Variants in ST3GAL1 observed in about 807,000 individuals in gnomAD.
ST3GAL1 encodes the protein ST3 beta-galactoside alpha-2,3-sialyltransferase 1.
In ST3GAL1, 16 loss-of-function variants were observed where a neutral mutation model predicts 34.1. The observed-to-expected ratio is 0.47, with a 90% CI of 0.32 to 0.71. The LOEUF (loss-of-function observed/expected upper bound fraction) is 0.71, where lower values mean the gene tolerates loss of function less well. ST3GAL1 is among the 30% of genes least tolerant of loss of function. The pLI, the probability that ST3GAL1 is intolerant of heterozygous loss-of-function variation, is 0.04. For missense variants in ST3GAL1, 353 were observed against 447.4 expected (o/e 0.79, Z 1.90); for synonymous variants, 191 against 184.7 (o/e 1.03, Z -0.28).
At chr8:133,532,886 C>A (rs186275757) in intron 2 of ST3GAL1, among the ~76,000 whole-genome samples, 1 of 152,136 alleles carries the variant, frequency 6.6e-6, no homozygotes, top group Non-Finnish European at 1.5e-5. Context: ...AGTTTGGGGA[C>A]GAGAAGCATA....
intron 2 of ST3GAL1, among the ~76,000 whole-genome samples, chr8:133,507,128 C>T (rs1817367153): frequency 1.3e-5 from 2 of 152,126 alleles, no homozygotes; most frequent in Admixed American, 1.3e-4. Flanking sequence ...GTTCTAGACT[C>T]TGGAGTCCAA....
chr8:133,570,792 G>A lies in ST3GAL1; in HGVS notation c.-582+901C>T, dbSNP rs530392314. Among the ~76,000 whole-genome samples the A allele has an allele frequency of 2.0e-5, 3 of 152,332 alleles. No homozygotes were observed. The East Asian group carries it at 5.8e-4, about 29-fold the overall frequency. On this transcript the variant is annotated intron_variant, in intron 1 of 9. Coordinates refer to ENST00000522652, the MANE Select transcript of ST3GAL1 (RefSeq NM_173344.3). This position sits in a 1 kb window ranked among gnomAD's most constrained non-coding sequence, Gnocchi z 5.6. ...CCCTCACCAGAGCGCCTCGCCCCAG[G>A]GTCACCGCTGTCCGTCCCCGTGCGC... is the stretch of plus-strand genomic sequence containing the variant.
chr8:133,537,076 G>A (rs933046628), intron 2 of ST3GAL1, among the ~76,000 whole-genome samples: 2 of 152,082 alleles, frequency 1.3e-5, no homozygotes, highest in Non-Finnish European at 2.9e-5. Flanking sequence ...CCTCAAGTCC[G>A]GGTCTCTGCA....
intron 2 of ST3GAL1, among the ~76,000 whole-genome samples, chr8:133,524,312 G>C (rs1402227469): frequency 6.6e-6 from 1 of 152,234 alleles, no homozygotes; most frequent in African/African-American, 2.4e-5. Context: ...GAAAGTGGTA[G>C]AGCCAGGACA....
In ST3GAL1 at chr8:133,545,452, A is replaced by G. The variant is rs562097486; in HGVS notation, c.-429+322T>C. Among the ~76,000 whole-genome samples the G allele has an allele frequency of 6.6e-5, 10 of 152,370 alleles. 1 individual carries two copies. Among genetic ancestry groups the G allele is most frequent in the African/African-American group, 2.2e-4 (9 of 41,600 alleles). On this transcript the variant is annotated intron_variant, in intron 2 of 9. Transcript: ENST00000522652. The stretch of plus-strand genomic sequence containing the variant: ...GTCATGCCAGGCCTTCGTCAGGATG[A>G]CAGGCCCTTGTCATCAAAAGATGTT...
chr8:133,464,258 T>A (rs1815639338), intron 7 of ST3GAL1, among the ~76,000 whole-genome samples: 1 of 152,088 alleles, frequency 6.6e-6, no homozygotes, highest in Non-Finnish European at 1.5e-5. Flanking sequence ...ATGTGCCGAG[T>A]GCCACGTGCG....
chr8:133,458,290 A>C lies in ST3GAL1; in HGVS notation c.*1474T>G, dbSNP rs72718252. ...CACCAACAGAGCCAGGGTGCAAACA[A>C]TGTCAGTTGAATAAAAAAAAGAAAT... On this transcript the variant is annotated 3_prime_UTR_variant, in exon 10 of 10. Transcript: ENST00000522652. 27,761 of 151,806 alleles carry C rather than the reference A, an allele frequency of 0.18. 2,764 individuals are homozygous for C. Among genetic ancestry groups the C allele is most frequent in the Non-Finnish European group, 0.22 (15,249 of 67,988 alleles). The allele number at this position is 151,806 out of a possible 1,614,324, so 9.4% of individuals were successfully genotyped here.
intron 1 of ST3GAL1, among the ~76,000 whole-genome samples, chr8:133,549,796 C>G (rs910525674): frequency 3.3e-5 from 5 of 151,960 alleles, no homozygotes; most frequent in Non-Finnish European, 7.4e-5. Context: ...AACCCTGTCT[C>G]TACTAAAAAT....
At position 133,459,931 on chromosome 8, in the gene ST3GAL1, A is replaced by C. The variant is rs1329441647; in HGVS notation, c.856T>G (p.Leu286Val). The C allele has an allele frequency of 1.2e-6, 2 of 1,611,184 alleles. No individual in the cohort carries two copies. Among genetic ancestry groups the C allele is most frequent in the Non-Finnish European group, 1.7e-6 (2 of 1,178,258 alleles). Residue 286 changes from leucine (L) to valine (V), a missense_variant, in exon 10 of 10, where the codon TTG becomes GTG. Physicochemically the swap from Leu to Val is conservative, Grantham distance 32. Coordinates refer to ENST00000522652, the MANE Select transcript of ST3GAL1 (RefSeq NM_173344.3). The surrounding 1 kb of genome is among the most constrained non-coding windows in gnomAD (Gnocchi z 4.7). ...TTGCTGTCTGCCCCGAAGCCGTACA[A>C]GTCCACCTGTGGGAGCAAAGCAAAG... is the stretch of plus-strand genomic sequence containing the variant. ...FSMHVCDEVD[L>V]YGFGADSKGN...
intron 2 of ST3GAL1, among the ~76,000 whole-genome samples, chr8:133,507,975 C>T (rs976746837): frequency 1.3e-5 from 2 of 148,830 alleles, no homozygotes; most frequent in African/African-American, 5.0e-5. Flanking sequence ...TGCCTCTGGC[C>T]ACAGAGGAGC....
At chr8:133,474,576 A>C (rs908741903) in intron 5 of ST3GAL1, among the ~76,000 whole-genome samples, 1 of 151,724 alleles carries the variant, frequency 6.6e-6, no homozygotes, top group Non-Finnish European at 1.5e-5. Context: ...GGTCTTGCTG[A>C]CTCTCAGGCC....
chr8:133,557,923 A>G (rs2131101201), intron 1 of ST3GAL1, among the ~76,000 whole-genome samples: 1 of 151,782 alleles, frequency 6.6e-6, no homozygotes, highest in East Asian at 1.9e-4. Context: ...AAAAAAAAAA[A>G]AGAGGCCAGT....
intron 2 of ST3GAL1, among the ~76,000 whole-genome samples, chr8:133,536,722 C>A (rs1052163992): frequency 2.0e-5 from 3 of 152,198 alleles, no homozygotes; most frequent in African/African-American, 7.2e-5. Context: ...TCAGCCTTTA[C>A]GATGGGCCAG....
chr8:133,494,890 G>T (rs1405849253), intron 3 of ST3GAL1, among the ~76,000 whole-genome samples: 1 of 150,722 alleles, frequency 6.6e-6, no homozygotes, highest in Admixed American at 6.6e-5. Context: ...GATGTGTATC[G>T]GCCTCTGCGT....
chr8:133,523,155 A>G (rs1278459912), intron 2 of ST3GAL1, among the ~76,000 whole-genome samples: 2 of 152,122 alleles, frequency 1.3e-5, no homozygotes, highest in East Asian at 3.9e-4. Flanking sequence ...TGCCCTGCTG[A>G]GAGGGGAGTT....
At chr8:133,532,344 C>A (rs1425135897) in intron 2 of ST3GAL1, among the ~76,000 whole-genome samples, 2 of 151,994 alleles carry the variant, frequency 1.3e-5, no homozygotes, top group Non-Finnish European at 2.9e-5. Flanking sequence ...CAGTGGCATG[C>A]ACCTGTAATC....
chr8:133,545,604 A>C (rs1173403348), intron 2 of ST3GAL1, among the ~76,000 whole-genome samples, 170 bp downstream of exon 2: 1 of 152,192 alleles, frequency 6.6e-6, no homozygotes, highest in Non-Finnish European at 1.5e-5. Flanking sequence ...TTCCCCTTCC[A>C]TGGGAACTCC....
intron 3 of ST3GAL1, among the ~76,000 whole-genome samples, chr8:133,483,936 T>C (rs1405264560): frequency 5.9e-5 from 9 of 152,216 alleles, no homozygotes; most frequent in African/African-American, 1.9e-4. Flanking sequence ...CAGTCTTTTT[T>C]CCCACACACT....
intron 2 of ST3GAL1, among the ~76,000 whole-genome samples, chr8:133,527,987 A>G (rs1408804848): frequency 6.6e-6 from 1 of 150,932 alleles, no homozygotes; most frequent in Non-Finnish European, 1.5e-5. Flanking sequence ...CCTGGCCAAC[A>G]TGGTGAAACC....
Sources: allele counts gnomAD v4.1 joint callset (sites outside exome capture counted in the v4.1 genomes callset), GRCh38; gene constraint gnomAD v4.1.1; non-coding constraint Gnocchi (gnomAD v3.1); transcripts MANE v1.5; gene names NCBI Gene and HGNC (gene_info 2026-07-23, HGNC 2026-07-21).